Variants in C11orf16 observed in about 807,000 individuals in gnomAD.
C11orf16 encodes the protein uncharacterized protein C11orf16.
A neutral mutation model predicts 45.1 loss-of-function variants in C11orf16; 38 were observed. The observed-to-expected ratio is 0.84, with a 90% confidence interval of 0.65 to 1.10. C11orf16 has a LOEUF of 1.10. Ranked by LOEUF, C11orf16 falls within the 50% of genes least tolerant of loss-of-function variation. The pLI, the probability that C11orf16 is intolerant of heterozygous loss-of-function variation, is 0.00. For synonymous variants in C11orf16, 221 were observed against 222.0 expected, an observed-to-expected ratio of 1.00 and a Z score of 0.04; for missense variants, 583 against 569.5, an observed-to-expected ratio of 1.02 and a Z score of -0.24.
chr11:8,922,714 G>C lies in C11orf16; in HGVS notation c.1205-1199C>G, dbSNP rs530943938. On this transcript the variant is annotated intron_variant, in intron 5 of 6. Transcript: ENST00000326053. The stretch of plus-strand genomic sequence containing the variant: ...CTCGACAGAACGGATATCAAGTCCT[G>C]ATAGCAAGAACTGATTAAACATCAA... Among the ~76,000 whole-genome samples, 75 of 152,354 alleles carry C rather than the reference G, an allele frequency of 4.9e-4. 2 individuals carry two copies. In the South Asian group the frequency reaches 8.5e-3, roughly 17 times the overall value.
At chr11:8,920,486 C>G (rs753990057) in intron 6 of C11orf16, 36 bp from the exon 7 acceptor site, 2 of 646,100 alleles carry the variant, frequency 3.1e-6, no homozygotes, top group South Asian at 3.5e-5. Flanking sequence ...CATTGTTATG[C>G]TGACTGCAAT....
chr11:8,923,981 G>A (rs2064591861), intron 5 of C11orf16, among the ~76,000 whole-genome samples: 1 of 151,848 alleles, frequency 6.6e-6, no homozygotes, highest in Non-Finnish European at 1.5e-5. Context: ...AGAAGCCCAG[G>A]ACCCACCTCC....
At chr11:8,924,264 G>A (rs555502117) in intron 5 of C11orf16, among the ~76,000 whole-genome samples, 186 of 152,204 alleles carry the variant, frequency 1.2e-3, no homozygotes, top group African/African-American at 4.3e-3. Context: ...GGTGGTTCAC[G>A]CCTGTAATCC....
intron 4 of C11orf16, 57 bp from the exon 5 acceptor site, chr11:8,926,164 T>TA (rs889157341): frequency 4.2e-6 from 6 of 1,413,706 alleles, no homozygotes; most frequent in Non-Finnish European, 5.7e-6. Flanking sequence ...TCCTTTTTTT[T>TA]CTTTTTTCTT....
At chr11:8,932,844 GC>G (rs1392940035) in intron 1 of C11orf16, 56 bp downstream of exon 1, 2 of 153,216 alleles carry the variant, frequency 1.3e-5, no homozygotes, top group Non-Finnish European at 2.9e-5. Context: ...GCCCACCAGA[GC>G]CCCGTGAGGG....
intron 2 of C11orf16, among the ~76,000 whole-genome samples, chr11:8,929,870 G>T (rs771553978): frequency 3.3e-5 from 5 of 152,214 alleles, no homozygotes; most frequent in Non-Finnish European, 7.3e-5. Context: ...TGTAATCCCA[G>T]CACTTTGGGA....
At position 8,925,486 on chromosome 11, in the gene C11orf16, G is replaced by A. The variant is rs117733108; in HGVS notation, c.1181C>T (p.Pro394Leu). ...PEWRYWKRNG[P>L]EPCLGKPGTR... ...ACCTGGCTTCCCAAGGCATGGCTCA[G>A]GCCCGTTTCTCTTCCAATACCTCCA... The change falls in exon 5 of 7, where the codon CCT becomes CTT. Residue 394 changes from proline (P) to leucine (L), a missense_variant. Physicochemically the swap from Pro to Leu is moderately conservative, Grantham distance 98. Transcript: ENST00000326053. 8.7e-6 allele frequency: 14 copies of A among 1,614,022 alleles called. No individual in the cohort carries two copies. Among genetic ancestry groups the A allele is most frequent in the African/African-American group, 2.7e-5 (2 of 75,070 alleles).
At chr11:8,920,620 A>G (rs766284455) in intron 6 of C11orf16, among the ~76,000 whole-genome samples, 170 bp from the exon 7 acceptor site, 27 of 152,188 alleles carry the variant, frequency 1.8e-4, no homozygotes, top group Non-Finnish European at 2.1e-4. Flanking sequence ...CTAGTAATCA[A>G]GACCAGCCTG....
chr11:8,927,447 T>G, intron 3 of C11orf16: 2 of 500,974 alleles, frequency 4.0e-6, no homozygotes, highest in Non-Finnish European at 7.4e-6. Context: ...TTCCCTTCCT[T>G]TGCCTGGTTT....
At chr11:8,924,529 AAACAACAAC>A (rs372748329) in intron 5 of C11orf16, among the ~76,000 whole-genome samples, 4,547 of 151,464 alleles carry the variant, frequency 0.03, 215 homozygotes, top group African/African-American at 0.1. Context: ...CTTTGTCTCA[AAACAACAAC>A]AACAACAACA....
In C11orf16 at chr11:8,925,737, C is replaced by T; in HGVS notation, c.930G>A (p.Glu310=). ...CCAGGGGCAAAAGCTGTGCTGTGGG[C>T]TCCAACTCTGGAAGTTCTCTGGCCA... is the stretch of plus-strand genomic sequence containing the variant. ...EVMARELPEL[E]PTAQLLPLEG... Residue 310 remains glutamate (E), a synonymous_variant, in exon 5 of 7, where the codon GAG becomes GAA. Coordinates refer to ENST00000326053, the MANE Select transcript of C11orf16 (RefSeq NM_020643.3). 6.2e-7 allele frequency: 1 copy of T among 1,614,232 alleles called. No homozygotes were observed. The highest frequency in any genetic ancestry group is 8.5e-7 in the Non-Finnish European group (1 of 1,180,036).
intron 5 of C11orf16, among the ~76,000 whole-genome samples, chr11:8,923,041 C>T (rs1377922835): frequency 6.6e-6 from 1 of 152,146 alleles, no homozygotes; most frequent in East Asian, 1.9e-4. Context: ...GAAAGCCCGG[C>T]CAAGTACCTG....
At chr11:8,928,366 C>T (rs1382867569) in intron 3 of C11orf16, among the ~76,000 whole-genome samples, 1 of 152,104 alleles carries the variant, frequency 6.6e-6, no homozygotes, top group Non-Finnish European at 1.5e-5. Context: ...AGGCCTGGCC[C>T]CCAGCATGGC....
intron 2 of C11orf16, 109 bp from the exon 3 acceptor site, chr11:8,929,642 C>G: frequency 9.5e-7 from 1 of 1,052,290 alleles, no homozygotes; most frequent in Non-Finnish European, 1.3e-6. Flanking sequence ...ATGAGGCATG[C>G]GGAACAGAAA....
chr11:8,931,135 G>A (rs2064647043), intron 2 of C11orf16, among the ~76,000 whole-genome samples: 1 of 152,158 alleles, frequency 6.6e-6, no homozygotes. Flanking sequence ...CAAAGGAGGG[G>A]TACCGAGGGA....
chr11:8,924,280 CTT>C (rs2064593802), intron 5 of C11orf16, among the ~76,000 whole-genome samples: 1 of 152,140 alleles, frequency 6.6e-6, no homozygotes, highest in African/African-American at 2.4e-5. Flanking sequence ...AATCCCAGCA[CTT>C]TGGGAGGCCG....
rs1006457049 is a variant in C11orf16, at chr11:8,927,154, C to T, written c.345G>A (p.Leu115=). The part of the protein sequence containing the change: ...ATPELERQGV[L]LVEFEAPLVA... ...CAAGAGGAGCCTCGAATTCCACAAGCAGGACCCCCTGTCTCTCCAGCTGTG... is the reference window on the plus strand; with the variant it reads ...CAAGAGGAGCCTCGAATTCCACAAGTAGGACCCCCTGTCTCTCCAGCTGTG... The change falls in exon 4 of 7, where the codon CTG becomes CTA. Residue 115 remains leucine (L), a synonymous_variant. Transcript: ENST00000326053. The T allele has an allele frequency of 1.2e-6, 2 of 1,613,806 alleles. No individual in the cohort carries two copies. Among genetic ancestry groups the T allele is most frequent in the African/African-American group, 1.3e-5 (1 of 74,926 alleles).
intron 5 of C11orf16, among the ~76,000 whole-genome samples, chr11:8,924,126 A>T (rs1251377295): frequency 6.6e-6 from 1 of 152,134 alleles, no homozygotes; most frequent in Non-Finnish European, 1.5e-5. Flanking sequence ...CCCCTCCCAA[A>T]GCCCAGGGGT....
intron 4 of C11orf16, 80 bp downstream of exon 4, chr11:8,926,860 C>T (rs532686418): frequency 1.5e-5 from 17 of 1,152,466 alleles, no homozygotes; most frequent in Middle Eastern, 2.9e-4. Flanking sequence ...AAGCTGTAGA[C>T]GCAGCCTTGG....
Sources: gnomAD v4.1 joint callset for allele counts (sites outside exome capture counted in the v4.1 genomes callset) on GRCh38, gnomAD v4.1.1 for gene constraint, MANE v1.5 for transcripts, NCBI Gene and HGNC (gene_info 2026-07-23, HGNC 2026-07-21) for gene names.